STX8: variants seen among roughly 807,000 people sequenced by gnomAD.
The protein encoded by STX8 is syntaxin-8.
A neutral mutation model predicts 37.5 loss-of-function variants in STX8; 23 were observed. The ratio of observed to expected loss-of-function variants is 0.61; its 90% CI spans 0.44 to 0.87. The LOEUF (loss-of-function observed/expected upper bound fraction) is 0.87, where lower values mean the gene tolerates loss of function less well. STX8 is among the 40% of genes least tolerant of loss of function. STX8 has a pLI of 0.00. For synonymous variants in STX8, 115 were observed against 99.1 expected (o/e 1.16, Z -0.95); for missense variants, 313 against 284.7 (o/e 1.10, Z -0.71).
intron 7 of STX8, among the ~76,000 whole-genome samples, chr17:9,257,885 A>T (rs1356937014): frequency 6.6e-6 from 1 of 152,216 alleles, no homozygotes; most frequent in Non-Finnish European, 1.5e-5. Context: ...GCTACTTGGG[A>T]GGCTGAGGCT....
Position 9,481,910 on chromosome 17 carries a change from AC to A in STX8, c.541+9918del, listed in dbSNP as rs1194948131. On this transcript the variant is annotated intron_variant, in intron 6 of 7. Coordinates refer to ENST00000306357, the MANE Select transcript of STX8 (RefSeq NM_004853.3). ...GGTTTAACAGTTTCGTCCTGAAACTACCCCCCATCCTGGTCCATGGAAAAAC... is the reference window on the plus strand; with the variant it reads ...GGTTTAACAGTTTCGTCCTGAAACTACCCCCATCCTGGTCCATGGAAAAAC... 3.9e-5 allele frequency among the ~76,000 whole-genome samples: 6 copies of A among 152,222 alleles called. No individual in the cohort carries two copies. In the East Asian group the frequency reaches 9.6e-4, roughly 24 times the overall value.
chr17:9,450,563 T>TAGCTGCGAAGCATGC (rs1186615777), intron 6 of STX8, among the ~76,000 whole-genome samples: 1 of 151,970 alleles, frequency 6.6e-6, no homozygotes, highest in Non-Finnish European at 1.5e-5. Context: ...GCCTCCCTAG[T>TAGCTGCGAAGCATGC]AGCTGCGAAG....
chr17:9,437,382 A>C (rs928302132), intron 6 of STX8, among the ~76,000 whole-genome samples: 1 of 152,326 alleles, frequency 6.6e-6, no homozygotes, highest in Middle Eastern at 3.4e-3. Flanking sequence ...CCACCTACAA[A>C]TATACATCCA....
At chr17:9,547,808 T>C (rs1327995833) in intron 3 of STX8, among the ~76,000 whole-genome samples, 1 of 146,680 alleles carries the variant, frequency 6.8e-6, no homozygotes, top group Admixed American at 6.7e-5. Flanking sequence ...TTTTGTTTTG[T>C]TAAGATGGAG....
At chr17:9,376,638 G>A (rs1021946298) in intron 7 of STX8, among the ~76,000 whole-genome samples, 8 of 152,120 alleles carry the variant, frequency 5.3e-5, no homozygotes, top group African/African-American at 9.7e-5. Context: ...TCACTCTTTC[G>A]GTCCGCACCA....
intron 7 of STX8, among the ~76,000 whole-genome samples, chr17:9,367,376 C>T (rs1425840902): frequency 1.3e-5 from 2 of 152,034 alleles, no homozygotes; most frequent in South Asian, 2.1e-4. Context: ...CCTCACCATC[C>T]AGATCACAAC....
chr17:9,322,898 G>A (rs1909627807), intron 7 of STX8, among the ~76,000 whole-genome samples: 2 of 142,522 alleles, frequency 1.4e-5, no homozygotes, highest in Admixed American at 1.4e-4. Context: ...TTCCTTTTAT[G>A]AGGAAAAAAA....
At chr17:9,416,767 C>T (rs1913213872) in intron 6 of STX8, among the ~76,000 whole-genome samples, 1 of 152,118 alleles carries the variant, frequency 6.6e-6, no homozygotes, top group African/African-American at 2.4e-5. Flanking sequence ...TAATGAAATC[C>T]CATGAGATTA....
intron 7 of STX8, among the ~76,000 whole-genome samples, chr17:9,370,522 C>T (rs989275418): frequency 3.3e-5 from 5 of 152,196 alleles, no homozygotes; most frequent in Non-Finnish European, 7.3e-5. Flanking sequence ...AAGAAGATCA[C>T]ATTCAGATGA....
At chr17:9,257,474 G>A (rs1906843107) in intron 7 of STX8, among the ~76,000 whole-genome samples, 1 of 152,174 alleles carries the variant, frequency 6.6e-6, no homozygotes, top group African/African-American at 2.4e-5. Context: ...AGGAGGGGAA[G>A]GAGGAGAAAG....
At chr17:9,358,566 C>T (rs1361840826) in intron 7 of STX8, among the ~76,000 whole-genome samples, 1 of 152,146 alleles carries the variant, frequency 6.6e-6, no homozygotes, top group Non-Finnish European at 1.5e-5. Context: ...TGGGACTATT[C>T]CTGTGCTCCG....
intron 7 of STX8, among the ~76,000 whole-genome samples, chr17:9,314,232 C>T (rs531463828): frequency 2.5e-4 from 38 of 152,194 alleles, no homozygotes; most frequent in East Asian, 5.8e-4. Context: ...TTCCAATGTC[C>T]GTGAGGAATA....
chr17:9,550,281 C>T (rs1407369185), intron 3 of STX8, among the ~76,000 whole-genome samples: 2 of 150,578 alleles, frequency 1.3e-5, no homozygotes, highest in African/African-American at 2.4e-5. Flanking sequence ...GGAACCTCCT[C>T]TTCCACCAAC....
chr17:9,408,565 A>G (rs1912873967), intron 6 of STX8, among the ~76,000 whole-genome samples: 1 of 152,220 alleles, frequency 6.6e-6, no homozygotes, highest in South Asian at 2.1e-4. Context: ...AAGAGCTGAG[A>G]AGCCAAACCT....
intron 6 of STX8, among the ~76,000 whole-genome samples, chr17:9,468,255 G>A (rs1030128082): frequency 2.6e-5 from 4 of 151,916 alleles, no homozygotes; most frequent in African/African-American, 4.8e-5. Flanking sequence ...GATTACAGGC[G>A]TGCACCACCG....
intron 7 of STX8, among the ~76,000 whole-genome samples, chr17:9,354,647 G>C (rs908592664): frequency 6.6e-6 from 1 of 151,118 alleles, no homozygotes; most frequent in African/African-American, 2.4e-5. Flanking sequence ...TACTATAATC[G>C]TGCTTCCATT....
chr17:9,292,075 G>T (rs1326266231), intron 7 of STX8, among the ~76,000 whole-genome samples: 1 of 152,216 alleles, frequency 6.6e-6, no homozygotes, highest in African/African-American at 2.4e-5. Flanking sequence ...ACCAGACCAG[G>T]ACTAGAGCTA....
At chr17:9,398,129 A>T (rs1456043229) in intron 6 of STX8, among the ~76,000 whole-genome samples, 1 of 152,162 alleles carries the variant, frequency 6.6e-6, no homozygotes, top group Non-Finnish European at 1.5e-5. Flanking sequence ...TCTTAGGTGT[A>T]GGCTGCATGT....
chr17:9,508,609 G>A (rs1904923096), intron 4 of STX8, among the ~76,000 whole-genome samples: 5 of 152,212 alleles, frequency 3.3e-5, no homozygotes, highest in Admixed American at 3.3e-4. Flanking sequence ...GATTACAGGT[G>A]TGAGCCACCA....
Sources: allele counts gnomAD v4.1 joint callset (sites outside exome capture counted in the v4.1 genomes callset), GRCh38; gene constraint gnomAD v4.1.1; transcripts MANE v1.5; gene names NCBI Gene and HGNC (gene_info 2026-07-23, HGNC 2026-07-21).